Variants in PLXDC2 observed in about 807,000 individuals in gnomAD.
PLXDC2 encodes plexin domain containing 2.
PLXDC2 carries 40 observed loss-of-function variants against 68.9 expected under a neutral mutation model. That is an observed-to-expected ratio of 0.58 (90% CI 0.45 to 0.76). PLXDC2 has a LOEUF of 0.76. Ranked by LOEUF, PLXDC2 falls within the 30% of genes least tolerant of loss-of-function variation. The pLI, the probability that PLXDC2 is intolerant of heterozygous loss-of-function variation, is 0.00. For missense variants in PLXDC2, 644 were observed against 661.9 expected, an observed-to-expected ratio of 0.97 and a Z score of 0.30; for synonymous variants, 243 against 234.2, an observed-to-expected ratio of 1.04 and a Z score of -0.34.
intron 3 of PLXDC2, among the ~76,000 whole-genome samples, chr10:20,064,341 C>G (rs921090432): frequency 2.6e-5 from 4 of 151,826 alleles, no homozygotes; most frequent in Non-Finnish European, 5.9e-5. Context: ...CTGCCTCAGC[C>G]TCCCGAATAG....
chr10:20,203,252 C>T (rs568268090), intron 9 of PLXDC2, among the ~76,000 whole-genome samples: 11 of 151,446 alleles, frequency 7.3e-5, no homozygotes, highest in Admixed American at 6.6e-5. Context: ...ATGGAAATAC[C>T]TTTTTTGCCT....
intron 5 of PLXDC2, among the ~76,000 whole-genome samples, chr10:20,144,272 T>C (rs1355461755): frequency 1.3e-5 from 2 of 152,170 alleles, no homozygotes; most frequent in African/African-American, 4.8e-5. Context: ...CAGAGTTATT[T>C]CTACTTTTAT....
chr10:19,924,462 A>C (rs1833507399), intron 1 of PLXDC2, among the ~76,000 whole-genome samples: 1 of 152,180 alleles, frequency 6.6e-6, no homozygotes, highest in Non-Finnish European at 1.5e-5. Flanking sequence ...TAGCAATTAC[A>C]TTGACATTTC....
At chr10:20,124,638 C>T (rs929641119) in intron 4 of PLXDC2, among the ~76,000 whole-genome samples, 11 of 147,946 alleles carry the variant, frequency 7.4e-5, no homozygotes, top group South Asian at 4.3e-4. Context: ...AGAGAGTCAG[C>T]GAAGGGAGAT....
chr10:19,903,164 T>G (rs565056908), intron 1 of PLXDC2, among the ~76,000 whole-genome samples: 1 of 152,266 alleles, frequency 6.6e-6, no homozygotes, highest in African/African-American at 2.4e-5. Flanking sequence ...TTTCTGGTTT[T>G]GGTATTAGGG....
At chr10:20,269,299 G>T (rs1835907090) in intron 13 of PLXDC2, among the ~76,000 whole-genome samples, 1 of 140,946 alleles carries the variant, frequency 7.1e-6, no homozygotes, top group South Asian at 2.2e-4. Flanking sequence ...AAAGACAGAG[G>T]ACACAAAAAT....
At chr10:19,856,303 T>C (rs2131330837) in intron 1 of PLXDC2, among the ~76,000 whole-genome samples, 1 of 152,026 alleles carries the variant, frequency 6.6e-6, no homozygotes, top group Admixed American at 6.6e-5. Context: ...CATGATAACA[T>C]TATACTAATA....
At chr10:19,951,025 T>G (rs1833982617) in intron 1 of PLXDC2, among the ~76,000 whole-genome samples, 1 of 152,018 alleles carries the variant, frequency 6.6e-6, no homozygotes, top group Admixed American at 6.6e-5. Flanking sequence ...TAAATGTGAG[T>G]CCTCAAACTG....
At chr10:20,235,024 A>T (rs1000806989) in intron 12 of PLXDC2, among the ~76,000 whole-genome samples, 1 of 152,150 alleles carries the variant, frequency 6.6e-6, no homozygotes, top group Non-Finnish European at 1.5e-5. Flanking sequence ...GGAAGGGTTG[A>T]TCTTATTTAG....
chr10:20,007,964 T>C (rs11011732), intron 2 of PLXDC2, among the ~76,000 whole-genome samples: 16,989 of 152,246 alleles, frequency 0.11, 1,096 homozygotes, highest in Admixed American at 0.17. Context: ...CTGAGGAAAG[T>C]ACAGTCAAGA....
chr10:19,983,378 C>T (rs1282918402), intron 1 of PLXDC2, among the ~76,000 whole-genome samples: 2 of 152,100 alleles, frequency 1.3e-5, no homozygotes, highest in Non-Finnish European at 2.9e-5. Flanking sequence ...TTTTTCTAAG[C>T]GTTCTTACAT....
intron 1 of PLXDC2, among the ~76,000 whole-genome samples, chr10:19,897,227 C>CTTTTT (rs558204823): frequency 1.4e-5 from 2 of 139,972 alleles, no homozygotes; most frequent in Non-Finnish European, 1.6e-5. Flanking sequence ...ATTCCCTTCT[C>CTTTTT]TTTTTTTTTT....
At chr10:19,883,516 A>G (rs956741137) in intron 1 of PLXDC2, among the ~76,000 whole-genome samples, 2 of 152,230 alleles carry the variant, frequency 1.3e-5, no homozygotes, top group East Asian at 1.9e-4. Context: ...TACTTCCTAC[A>G]TGAGTTTATA....
chr10:19,877,762 C>A (rs887721398), intron 1 of PLXDC2, among the ~76,000 whole-genome samples: 2 of 152,238 alleles, frequency 1.3e-5, no homozygotes, highest in Non-Finnish European at 2.9e-5. Flanking sequence ...CATTGAGCCA[C>A]TATTCGGGGC....
chr10:19,919,118 T>A (rs1393186334), intron 1 of PLXDC2, among the ~76,000 whole-genome samples: 1 of 152,210 alleles, frequency 6.6e-6, no homozygotes, highest in Non-Finnish European at 1.5e-5. Context: ...GGCTATAAAC[T>A]AGGGAGAAAT....
At chr10:19,828,265 T>C (rs1836613281) in intron 1 of PLXDC2, among the ~76,000 whole-genome samples, 1 of 152,268 alleles carries the variant, frequency 6.6e-6, no homozygotes, top group South Asian at 2.1e-4. Flanking sequence ...TCCTTAACAA[T>C]GGCTCACTAG....
intron 1 of PLXDC2, among the ~76,000 whole-genome samples, chr10:19,872,584 A>G (rs1837558486): frequency 6.6e-6 from 1 of 152,206 alleles, no homozygotes; most frequent in Admixed American, 6.5e-5. Flanking sequence ...CTAAGGGTAA[A>G]AGCATTTCAG....
intron 1 of PLXDC2, among the ~76,000 whole-genome samples, chr10:19,914,886 G>C (rs1457530941): frequency 6.6e-6 from 1 of 152,062 alleles, no homozygotes; most frequent in African/African-American, 2.4e-5. Context: ...ATTTTCATTG[G>C]TCTGAAGTCT....
At position 19,962,335 on chromosome 10, in the gene PLXDC2, C is replaced by CTTT. The variant is rs33953842; in HGVS notation, c.113-39422_113-39420dup. On this transcript the variant is annotated intron_variant, in intron 1 of 13. Coordinates refer to ENST00000377252, the MANE Select transcript of PLXDC2 (RefSeq NM_032812.9). ...GATAAAATGTGATGAAAAGGAGGTT[C>CTTT]TTTTTTTTTTTTTTTTTTTTGAGAT... 3.6e-4 allele frequency among the ~76,000 whole-genome samples: 21 copies of CTTT among 58,460 alleles called. 1 individual carries two copies. The highest frequency in any genetic ancestry group is 9.0e-4 in the African/African-American group (12 of 13,376). The allele number at this position is 58,460 out of a possible 152,430, so 38.4% of individuals were successfully genotyped here.
Sources: gnomAD v4.1 joint callset for allele counts (sites outside exome capture counted in the v4.1 genomes callset) on GRCh38, gnomAD v4.1.1 for gene constraint, MANE v1.5 for transcripts, NCBI Gene and HGNC (gene_info 2026-07-23, HGNC 2026-07-21) for gene names.